Variants in AGBL1 observed in about 807,000 individuals in gnomAD.
AGBL1 encodes the protein cytosolic carboxypeptidase 4.
A neutral mutation model predicts 118.9 loss-of-function variants in AGBL1; 130 were observed. That is an observed-to-expected ratio of 1.09 (90% CI 0.95 to 1.26). The LOEUF (loss-of-function observed/expected upper bound fraction) is 1.26, where lower values mean the gene tolerates loss of function less well. Ranked by LOEUF, AGBL1 falls within the 50% of genes most tolerant of loss-of-function variation. The pLI, the probability that AGBL1 is intolerant of heterozygous loss-of-function variation, is 0.00. For synonymous variants in AGBL1, 555 were observed against 478.9 expected, an observed-to-expected ratio of 1.16 and a Z score of -2.08; for missense variants, 1,584 against 1,298.1, an observed-to-expected ratio of 1.22 and a Z score of -3.38.
At chr15:86,570,401 C>G (rs1449922454) in intron 21 of AGBL1, among the ~76,000 whole-genome samples, 2 of 152,214 alleles carry the variant, frequency 1.3e-5, no homozygotes, top group African/African-American at 4.8e-5. Flanking sequence ...GACAGGCACA[C>G]TCAAGAGAGA....
chr15:86,976,130 G>A (rs1197307581), intron 23 of AGBL1, among the ~76,000 whole-genome samples: 1 of 150,766 alleles, frequency 6.6e-6, no homozygotes, highest in Non-Finnish European at 1.5e-5. Flanking sequence ...CTATCACATA[G>A]GCTAAATCAT....
chr15:86,385,328 T>C (rs1250561743), intron 17 of AGBL1, among the ~76,000 whole-genome samples: 2 of 152,216 alleles, frequency 1.3e-5, no homozygotes, highest in East Asian at 3.8e-4. Flanking sequence ...CCTTGTATTA[T>C]ATCTCTGTTG....
chr15:86,348,508 C>G (rs1432313499), intron 17 of AGBL1, among the ~76,000 whole-genome samples: 2 of 152,146 alleles, frequency 1.3e-5, no homozygotes, highest in African/African-American at 4.8e-5. Context: ...GGCCAGGCGC[C>G]GTGGCTTACG....
chr15:86,717,620 T>C (rs1001898082), intron 22 of AGBL1, among the ~76,000 whole-genome samples: 5 of 152,330 alleles, frequency 3.3e-5, no homozygotes, highest in Non-Finnish European at 5.9e-5. Flanking sequence ...GAAGTAGCCT[T>C]AGCCAAGTAG....
intron 22 of AGBL1, among the ~76,000 whole-genome samples, chr15:86,831,788 T>C (rs774046984): frequency 2.6e-5 from 4 of 152,192 alleles, no homozygotes; most frequent in Non-Finnish European, 5.9e-5. Context: ...CTGCTTCTCA[T>C]ACCTCCACTA....
chr15:86,525,211 A>G (rs148576475), intron 19 of AGBL1, among the ~76,000 whole-genome samples: 46 of 152,300 alleles, frequency 3.0e-4, no homozygotes, highest in African/African-American at 1.1e-3. Context: ...GATCACTACA[A>G]CAAGAACCAC....
chr15:86,675,550 T>G (rs2085826615), intron 22 of AGBL1, among the ~76,000 whole-genome samples: 1 of 152,136 alleles, frequency 6.6e-6, no homozygotes, highest in South Asian at 2.1e-4. Context: ...GAGCTGCCGT[T>G]GCTGATTTAT....
At chr15:86,458,234 A>G (rs1016620449) in intron 18 of AGBL1, among the ~76,000 whole-genome samples, 5 of 152,128 alleles carry the variant, frequency 3.3e-5, no homozygotes, top group Non-Finnish European at 7.4e-5. Context: ...AATAAAAATC[A>G]AAATTTTAAG....
intron 21 of AGBL1, among the ~76,000 whole-genome samples, chr15:86,558,279 G>T (rs1429436075): frequency 6.6e-6 from 1 of 152,094 alleles, no homozygotes; most frequent in African/African-American, 2.4e-5. Context: ...ACCAGGAATT[G>T]CTTGTAACTA....
In AGBL1 at chr15:86,166,636, G is replaced by C. The variant is rs141619522; in HGVS notation, c.488+7610G>C. Among the ~76,000 whole-genome samples, 164 of 152,284 alleles carry C rather than the reference G, an allele frequency of 1.1e-3. 1 individual carries two copies. Among genetic ancestry groups the C allele is most frequent in the African/African-American group, 3.7e-3 (154 of 41,544 alleles). Reference sequence around the variant, plus strand: ...TGGGTGGTGAACCAGATTCCTTCAGGAGGAGGAGCTCAGGAACTCATCCTG... The same window carrying C: ...TGGGTGGTGAACCAGATTCCTTCAGCAGGAGGAGCTCAGGAACTCATCCTG... On this transcript the variant is annotated intron_variant, in intron 5 of 22. Transcript: ENST00000614907.
At chr15:87,021,321 C>T (rs1567291268) in intron 24 of AGBL1, among the ~76,000 whole-genome samples, 1 of 152,102 alleles carries the variant, frequency 6.6e-6, no homozygotes. Flanking sequence ...CTCTTCCTTA[C>T]ACGATATACA....
intron 17 of AGBL1, among the ~76,000 whole-genome samples, chr15:86,311,692 A>T (rs1037597564): frequency 2.6e-5 from 4 of 152,264 alleles, no homozygotes; most frequent in African/African-American, 9.6e-5. Context: ...ATTTACCCAG[A>T]GGCACCTCAT....
At chr15:86,519,612 A>C (rs993984624) in intron 18 of AGBL1, among the ~76,000 whole-genome samples, 1 of 152,198 alleles carries the variant, frequency 6.6e-6, no homozygotes, top group African/African-American at 2.4e-5. Context: ...AATAACCTGC[A>C]TTTGCATAGA....
chr15:86,864,917 A>G (rs2079604725), intron 22 of AGBL1, among the ~76,000 whole-genome samples: 2 of 152,110 alleles, frequency 1.3e-5, no homozygotes, highest in African/African-American at 2.4e-5. Context: ...AACTCTCTCC[A>G]TATTTTGATT....
intron 22 of AGBL1, among the ~76,000 whole-genome samples, chr15:86,823,472 T>C (rs1004250192): frequency 1.3e-5 from 2 of 152,064 alleles, no homozygotes; most frequent in African/African-American, 4.8e-5. Flanking sequence ...ACTTCAAGAG[T>C]CTTTCTCGTA....
intron 22 of AGBL1, among the ~76,000 whole-genome samples, chr15:86,901,571 G>A (rs1292258349): frequency 6.6e-6 from 1 of 151,996 alleles, no homozygotes; most frequent in Non-Finnish European, 1.5e-5. Flanking sequence ...AGAGTCCTAA[G>A]ACAAATAGAG....
chr15:86,734,836 C>A (rs999372225), intron 22 of AGBL1, among the ~76,000 whole-genome samples: 5 of 152,072 alleles, frequency 3.3e-5, no homozygotes, highest in African/African-American at 9.7e-5. Flanking sequence ...CAAGCCTTTC[C>A]TTACATTTCT....
intron 22 of AGBL1, among the ~76,000 whole-genome samples, chr15:86,719,021 C>G (rs1315722416): frequency 1.3e-5 from 2 of 152,138 alleles, no homozygotes; most frequent in African/African-American, 4.8e-5. Flanking sequence ...CCCTTTCCCC[C>G]CATTCAGTAG....
intron 1 of AGBL1, among the ~76,000 whole-genome samples, chr15:86,081,394 A>C (rs1895275664): frequency 6.6e-6 from 1 of 152,198 alleles, no homozygotes. Flanking sequence ...AAGAACCAAT[A>C]AGTGCAACCT....
Sources: gnomAD v4.1 joint callset for allele counts (sites outside exome capture counted in the v4.1 genomes callset) on GRCh38, gnomAD v4.1.1 for gene constraint, MANE v1.5 for transcripts, NCBI Gene and HGNC (gene_info 2026-07-23, HGNC 2026-07-21) for gene names.